RARB: variants seen among roughly 807,000 people sequenced by gnomAD.
The protein encoded by RARB is retinoic acid receptor beta, also known as HBV-activated protein.
In RARB, 17 loss-of-function variants were observed where a neutral mutation model predicts 51.9. The ratio of observed to expected loss-of-function variants is 0.33; its 90% CI spans 0.22 to 0.49. The LOEUF (loss-of-function observed/expected upper bound fraction) is 0.49, where lower values mean the gene tolerates loss of function less well. Ranked by LOEUF, RARB falls within the 20% of genes least tolerant of loss-of-function variation. RARB has a pLI of 0.99. For synonymous variants in RARB, 215 were observed against 195.4 expected (o/e 1.10, Z -0.84); for missense variants, 369 against 550.8 (o/e 0.67, Z 3.30).
chr3:25,311,817 A>G (rs1314582237), intron 5 of RARB, among the ~76,000 whole-genome samples: 2 of 152,190 alleles, frequency 1.3e-5, no homozygotes, highest in Non-Finnish European at 2.9e-5. Context: ...CTCATGACAC[A>G]AACTCTCAAA....
chr3:25,307,829 C>G (rs1356413677), intron 5 of RARB, among the ~76,000 whole-genome samples: 1 of 152,160 alleles, frequency 6.6e-6, no homozygotes, highest in East Asian at 1.9e-4. Context: ...GGTCCAAAAA[C>G]TAAATGCTAC....
intron 3 of RARB, among the ~76,000 whole-genome samples, chr3:25,531,380 A>G (rs1419460148): frequency 1.9e-5 from 2 of 107,216 alleles, no homozygotes; most frequent in East Asian, 5.2e-4. Context: ...AGGTAGATAG[A>G]TAGATAGGTA....
intron 2 of RARB, among the ~76,000 whole-genome samples, chr3:25,486,252 A>C (rs1696462112): frequency 6.6e-6 from 1 of 152,326 alleles, no homozygotes; most frequent in South Asian, 2.1e-4. Context: ...TCCTTTAATA[A>C]GACACGTGGA....
chr3:25,208,571 A>C (rs772902264), intron 5 of RARB, among the ~76,000 whole-genome samples: 8 of 152,168 alleles, frequency 5.3e-5, no homozygotes, highest in Admixed American at 2.6e-4. Flanking sequence ...CTGTGTTGAA[A>C]TAGGATACTG....
At chr3:25,257,366 C>A (rs1702891221) in intron 5 of RARB, among the ~76,000 whole-genome samples, 1 of 151,940 alleles carries the variant, frequency 6.6e-6, no homozygotes, top group Non-Finnish European at 1.5e-5. Context: ...CAGAAAAACA[C>A]GTATGAACAG....
intron 2 of RARB, among the ~76,000 whole-genome samples, chr3:25,030,871 A>G (rs780159903): frequency 1.3e-5 from 2 of 152,230 alleles, no homozygotes; most frequent in Non-Finnish European, 2.9e-5. Flanking sequence ...TAGATACAAA[A>G]CAAAATCAAA....
At chr3:25,409,866 C>A (rs1449236129) in intron 5 of RARB, among the ~76,000 whole-genome samples, 1 of 152,160 alleles carries the variant, frequency 6.6e-6, no homozygotes, top group Non-Finnish European at 1.5e-5. Flanking sequence ...TCCCAGGAAT[C>A]CTTCAGTGTT....
chr3:25,220,318 G>A (rs192747104), intron 5 of RARB, among the ~76,000 whole-genome samples: 3 of 152,180 alleles, frequency 2.0e-5, no homozygotes, highest in Non-Finnish European at 4.4e-5. Context: ...CTTAGATGTT[G>A]TGTTTTTAAC....
At chr3:24,940,096 T>G (rs1030892910) in intron 2 of RARB, among the ~76,000 whole-genome samples, 1 of 152,226 alleles carries the variant, frequency 6.6e-6, no homozygotes, top group African/African-American at 2.4e-5. Context: ...CTTCACTATT[T>G]ATTTCAGTAG....
At chr3:25,151,436 C>A (rs1700284953) in intron 4 of RARB, among the ~76,000 whole-genome samples, 1 of 152,152 alleles carries the variant, frequency 6.6e-6, no homozygotes. Context: ...TTCACTGTAC[C>A]AGGAAGAAAT....
At chr3:25,138,376 G>A (rs1470836710) in intron 4 of RARB, among the ~76,000 whole-genome samples, 4 of 151,502 alleles carry the variant, frequency 2.6e-5, no homozygotes, top group Admixed American at 6.6e-5. Context: ...ATCCTGCCAG[G>A]TTCTAGGTTG....
At chr3:25,394,319 T>C (rs750465590) in intron 5 of RARB, among the ~76,000 whole-genome samples, 1 of 152,184 alleles carries the variant, frequency 6.6e-6, no homozygotes, top group African/African-American at 2.4e-5. Flanking sequence ...TGACCTAATA[T>C]ATGGCCTATC....
At chr3:25,115,554 T>C (rs1368439909) in intron 3 of RARB, among the ~76,000 whole-genome samples, 1 of 152,038 alleles carries the variant, frequency 6.6e-6, no homozygotes, top group East Asian at 1.9e-4. Context: ...TCTTTGCTTC[T>C]TTTCTCCCCT....
rs112485605 is a variant in RARB, at chr3:25,206,776, C to T, written c.178+32201C>T. 4.2e-3 allele frequency among the ~76,000 whole-genome samples: 645 copies of T among 152,276 alleles called. 3 individuals are homozygous for T. The highest frequency in any genetic ancestry group is 0.015 in the African/African-American group (611 of 41,558). ...CGTACTATGGATGCTTATTCATGCCCGATAGCTTCCAAGAGATTTCTCCAA... is the reference window on the plus strand; with the variant it reads ...CGTACTATGGATGCTTATTCATGCCTGATAGCTTCCAAGAGATTTCTCCAA... On this transcript the variant is annotated intron_variant, in intron 5 of 11. Coordinates refer to the RARB transcript ENST00000383772.
chr3:25,063,724 T>TA lies in RARB; in HGVS notation c.-328+3548_-328+3549insA, dbSNP rs201383436. 8.9e-3 allele frequency among the ~76,000 whole-genome samples: 1,313 copies of TA among 148,134 alleles called. 13 individuals carry two copies. The highest frequency in any genetic ancestry group is 0.03 in the African/African-American group (1,200 of 39,948). On this transcript the variant is annotated intron_variant, in intron 3 of 11. Transcript: ENST00000383772. ...AGTTTGAGACTTTTTTTTTTTTTTTTTAAAAAGATGAGGAAACAGACCTTG... is the reference window on the plus strand; with the variant it reads ...AGTTTGAGACTTTTTTTTTTTTTTTTATAAAAAGATGAGGAAACAGACCTTG...
rs1553624279 is a variant in RARB, at chr3:25,501,284, C to T, written c.409C>T (p.Arg137Ter). 1 of 1,610,060 alleles carries T rather than the reference C, an allele frequency of 6.2e-7. No homozygotes were observed. The change falls in exon 3 of 8, where the codon CGA (arginine) becomes TGA (stop). Residue 137 changes from arginine to a stop codon, truncating the protein, a stop_gained. Coordinates refer to ENST00000330688, the MANE Select transcript of RARB (RefSeq NM_000965.5). LOFTEE classifies it high-confidence loss of function. ...KVTRNRCQYC[R>*]LQKCFEVGMS... ...CACCAGGAATCGATGCCAATACTGT[C>T]GACTCCAGAAGTGCTTTGAAGTGGG...
chr3:25,510,771 A>C (rs962381736), intron 3 of RARB, among the ~76,000 whole-genome samples: 1 of 152,258 alleles, frequency 6.6e-6, no homozygotes, highest in Non-Finnish European at 1.5e-5. Flanking sequence ...GAACTCATTT[A>C]ATGATAAAGA....
chr3:24,881,263 C>G (rs899121637), intron 2 of RARB, among the ~76,000 whole-genome samples: 4 of 152,152 alleles, frequency 2.6e-5, no homozygotes, highest in African/African-American at 9.7e-5. Flanking sequence ...ATAAATTACC[C>G]AGTTTCAGGT....
chr3:25,024,756 C>A (rs145727795), intron 2 of RARB, among the ~76,000 whole-genome samples: 78 of 152,056 alleles, frequency 5.1e-4, no homozygotes, highest in African/African-American at 1.4e-3. Flanking sequence ...AGCTCGAGAC[C>A]AGCCTCGCCA....
Sources: allele counts gnomAD v4.1 joint callset (sites outside exome capture counted in the v4.1 genomes callset), GRCh38; gene constraint gnomAD v4.1.1; transcripts MANE v1.5; gene names NCBI Gene and HGNC (gene_info 2026-07-23, HGNC 2026-07-21).